FAM221A: variants seen among roughly 807,000 people sequenced by gnomAD.
FAM221A encodes the protein protein FAM221A.
In FAM221A, 43 loss-of-function variants were observed where a neutral mutation model predicts 37.6. The observed-to-expected ratio is 1.15, with a 90% confidence interval of 0.90 to 1.48. The LOEUF (loss-of-function observed/expected upper bound fraction) is 1.48, where lower values mean the gene tolerates loss of function less well. FAM221A is among the 40% of genes most tolerant of loss of function. FAM221A has a pLI of 0.00. For missense variants in FAM221A, 361 were observed against 361.5 expected, an observed-to-expected ratio of 1.00 and a Z score of 0.01; for synonymous variants, 135 against 132.9, an observed-to-expected ratio of 1.02 and a Z score of -0.11.
chr7:23,680,200 TTTGGCTTCCCCAC>T lies in FAM221A; in HGVS notation c.-18_-6del. On this transcript the variant is annotated 5_prime_UTR_variant, in exon 1 of 7. Transcript: ENST00000344962. ...AGGTCAGCTGGTCCGCAGGGAAGCC[TTTGGCTTCCCCAC>T]CGGCAATGGAGCGGTTGACGTTGCC... is the stretch of plus-strand genomic sequence containing the variant. The T allele has an allele frequency of 6.5e-7, 1 of 1,542,846 alleles. No homozygotes were observed. Among genetic ancestry groups the T allele is most frequent in the South Asian group, 1.2e-5 (1 of 83,816 alleles).
chr7:23,689,709 T>A (rs1388392925), intron 3 of FAM221A, among the ~76,000 whole-genome samples: 2 of 152,196 alleles, frequency 1.3e-5, no homozygotes, highest in African/African-American at 4.8e-5. Flanking sequence ...TCTCATATAG[T>A]TCAGATAATT....
chr7:23,695,259 G>A (rs1784983443), intron 4 of FAM221A, among the ~76,000 whole-genome samples: 1 of 152,000 alleles, frequency 6.6e-6, no homozygotes, highest in Admixed American at 6.6e-5. Flanking sequence ...CTACAGGTGT[G>A]AGCCACCATG....
chr7:23,690,170 CATAT>C (rs1175330292), intron 3 of FAM221A, among the ~76,000 whole-genome samples: 1,077 of 68,580 alleles, frequency 0.016, 47 homozygotes, highest in African/African-American at 0.05. Flanking sequence ...TGCCTTGGTT[CATAT>C]ATATATATAT....
chr7:23,686,163 T>G, intron 2 of FAM221A: 1 of 303,400 alleles, frequency 3.3e-6, no homozygotes, highest in Non-Finnish European at 6.5e-6. Flanking sequence ...TTGGTAAGTT[T>G]GTGATAGTTT....
chr7:23,681,617 A>T (rs978652487), intron 1 of FAM221A, among the ~76,000 whole-genome samples: 10 of 152,166 alleles, frequency 6.6e-5, no homozygotes, highest in East Asian at 1.9e-4. Context: ...CACGTTGCCC[A>T]GGCTGGTCTT....
intron 2 of FAM221A, chr7:23,686,705 T>TTCTATGTATATAG (rs1784394360): frequency 6.5e-6 from 1 of 152,918 alleles, no homozygotes; most frequent in East Asian, 1.9e-4. Flanking sequence ...AAACATAGAA[T>TTCTATGTATATAG]ATATTCTATA....
intron 4 of FAM221A, chr7:23,692,099 GCA>G (rs1784787516): frequency 3.5e-6 from 2 of 569,730 alleles, no homozygotes; most frequent in Admixed American, 1.2e-4. Context: ...ATATGTATGT[GCA>G]CACACATATA....
intron 1 of FAM221A, among the ~76,000 whole-genome samples, chr7:23,683,497 C>G (rs1302183319): frequency 1.3e-5 from 2 of 152,130 alleles, no homozygotes; most frequent in Non-Finnish European, 2.9e-5. Flanking sequence ...GATACATTTT[C>G]AAAGGAGGTA....
intron 1 of FAM221A, among the ~76,000 whole-genome samples, chr7:23,684,199 C>G (rs1214709288): frequency 1.3e-5 from 2 of 152,098 alleles, no homozygotes; most frequent in African/African-American, 4.8e-5. Context: ...TTAAGAATTC[C>G]TTCGTTATGT....
chr7:23,684,181 C>T (rs991957808), intron 1 of FAM221A, among the ~76,000 whole-genome samples: 3 of 151,540 alleles, frequency 2.0e-5, no homozygotes, highest in Admixed American at 6.6e-5. Context: ...TAGTCCCAAA[C>T]GGGTCCTTTA....
At chr7:23,688,038 T>C (rs967415862) in intron 2 of FAM221A, 2 of 151,994 alleles carry the variant, frequency 1.3e-5, no homozygotes, top group African/African-American at 4.8e-5. Context: ...CTCATTTTAA[T>C]TTGCATTTCT....
intron 1 of FAM221A, among the ~76,000 whole-genome samples, chr7:23,680,956 G>T (rs1328378221): frequency 6.6e-6 from 1 of 152,178 alleles, no homozygotes; most frequent in Non-Finnish European, 1.5e-5. Context: ...TACAAGCGGA[G>T]GGGAGACGCT....
At chr7:23,692,531 G>A (rs915077274) in intron 4 of FAM221A, 2 of 290,856 alleles carry the variant, frequency 6.9e-6, no homozygotes. Flanking sequence ...AGTAGAGATG[G>A]GGGTTTCTCC....
intron 5 of FAM221A, among the ~76,000 whole-genome samples, 154 bp from the exon 6 acceptor site, chr7:23,700,632 G>A (rs1785362199): frequency 6.6e-6 from 1 of 152,216 alleles, no homozygotes; most frequent in African/African-American, 2.4e-5. Flanking sequence ...CTCTCTAAAA[G>A]AGAATGAGGT....
At chr7:23,680,455 T>C (rs962601798) in intron 1 of FAM221A, among the ~76,000 whole-genome samples, 172 bp downstream of exon 1, 1 of 152,116 alleles carries the variant, frequency 6.6e-6, no homozygotes, top group African/African-American at 2.4e-5. Flanking sequence ...TAATTAAATA[T>C]TGTAGGGCCA....
chr7:23,695,025 G>A (rs943296562), intron 4 of FAM221A: 3 of 151,970 alleles, frequency 2.0e-5, no homozygotes, highest in Non-Finnish European at 2.9e-5. Context: ...GCTGGACTGC[G>A]GTAGTATGAT....
At chr7:23,697,236 C>T (rs1785116327) in intron 4 of FAM221A, among the ~76,000 whole-genome samples, 1 of 152,188 alleles carries the variant, frequency 6.6e-6, no homozygotes. Flanking sequence ...GGGCCAGGAG[C>T]GGGGAGAGAC....
chr7:23,680,274 A>C lies in FAM221A; in HGVS notation c.56A>C (p.Glu19Ala), dbSNP rs914824877. Residue 19 changes from glutamate to alanine, a missense_variant, in exon 1 of 7, where the codon GAG becomes GCG. Glu to Ala is a moderately radical substitution (Grantham distance 107, BLOSUM62 -1). Coordinates refer to ENST00000344962, the MANE Select transcript of FAM221A (RefSeq NM_199136.5). The stretch of plus-strand genomic sequence containing the variant: ...GCGGCGGCGGTGGACGAGTACCTGG[A>C]GTACCGGAGGTGAGGCTGTGGCTCC... The part of the protein sequence containing the change: ...GGAAAVDEYL[E>A]YRRIVGEDDG... The C allele has an allele frequency of 2.1e-5, 33 of 1,547,362 alleles. No homozygotes were observed. Among genetic ancestry groups the C allele is most frequent in the Non-Finnish European group, 2.9e-5 (33 of 1,145,544 alleles).
intron 3 of FAM221A, among the ~76,000 whole-genome samples, chr7:23,690,213 T>TTTA (rs1784658506): frequency 1.5e-5 from 2 of 129,748 alleles, no homozygotes; most frequent in African/African-American, 5.5e-5. Flanking sequence ...TTTTTTTTTT[T>TTTA]AATAGAGTTT....
Sources: gnomAD v4.1 joint callset for allele counts (sites outside exome capture counted in the v4.1 genomes callset) on GRCh38, gnomAD v4.1.1 for gene constraint, MANE v1.5 for transcripts, NCBI Gene and HGNC (gene_info 2026-07-23, HGNC 2026-07-21) for gene names.